NDUFB6: variants seen among roughly 807,000 people sequenced by gnomAD.
The protein encoded by NDUFB6 is NADH:ubiquinone oxidoreductase subunit B6, also known as NADH dehydrogenase [ubiquinone] 1 beta subcomplex subunit 6.
A neutral mutation model predicts 17.5 loss-of-function variants in NDUFB6; 23 were observed. That is an observed-to-expected ratio of 1.31 (90% CI 0.94 to 1.86). The LOEUF is 1.86. Ranked by LOEUF, NDUFB6 falls within the 40% of genes most tolerant of loss-of-function variation. NDUFB6 has a pLI of 0.00. For missense variants in NDUFB6, 167 were observed against 153.8 expected (o/e 1.09, Z -0.46); for synonymous variants, 60 against 53.5 (o/e 1.12, Z -0.53).
chr9:32,566,283 A>T, intron 2 of NDUFB6: 1 of 1,154,726 alleles, frequency 8.7e-7, no homozygotes, highest in Non-Finnish European at 1.3e-6. Context: ...TGAGGTAGAA[A>T]GCAGGCCATA....
intron 2 of NDUFB6, among the ~76,000 whole-genome samples, chr9:32,565,161 C>T (rs912236762): frequency 1.3e-5 from 2 of 151,976 alleles, no homozygotes; most frequent in African/African-American, 2.4e-5. Flanking sequence ...GCCATGGTGG[C>T]GGACACCTGT....
At position 32,553,137 on chromosome 9, in the gene NDUFB6, G is replaced by T; in HGVS notation, c.*739C>A. 2.3e-6 allele frequency: 1 copy of T among 434,056 alleles called. No homozygotes were observed. The allele number at this position is 434,056 out of a possible 1,614,324, so 26.9% of individuals were successfully genotyped here. A position where few individuals can be genotyped will look rare whatever the true frequency, so the allele number is the denominator to read the frequency against. On this transcript the variant is annotated 3_prime_UTR_variant, in exon 4 of 4. Transcript: ENST00000379847. ...CTAAATCTGACAGTCTTGAGTGTCA[G>T]ATCATAGTTGGAATAAGCTTTTCAA... is the stretch of plus-strand genomic sequence containing the variant.
At chr9:32,571,741 CATT>C (rs71965334) in intron 1 of NDUFB6, among the ~76,000 whole-genome samples, 24,984 of 152,080 alleles carry the variant, frequency 0.16, 2,465 homozygotes, top group South Asian at 0.36. Flanking sequence ...AACTTCGACA[CATT>C]ATTATTTATT....
At chr9:32,557,287 C>T (rs1397868933) in intron 3 of NDUFB6, among the ~76,000 whole-genome samples, 1 of 150,048 alleles carries the variant, frequency 6.7e-6, no homozygotes, top group Non-Finnish European at 1.5e-5. Flanking sequence ...GCCTCAGCCT[C>T]CAGGTAGCTG....
chr9:32,560,232 G>A (rs942811071), intron 2 of NDUFB6, among the ~76,000 whole-genome samples: 1 of 152,178 alleles, frequency 6.6e-6, no homozygotes, highest in Non-Finnish European at 1.5e-5. Context: ...GTGGCTCTGG[G>A]ACCTCTACTG....
At position 32,553,839 on chromosome 9, in the gene NDUFB6, CTT is replaced by C. The variant is rs779350100; in HGVS notation, c.*35_*36del. ...GTAAATATGGTAATATAGGAACAAA[CTT>C]AGGCTCATAAGCCTTTTAACTTTTT... On this transcript the variant is annotated 3_prime_UTR_variant, in exon 4 of 4. Transcript: ENST00000379847. 1.8e-5 allele frequency: 25 copies of C among 1,356,834 alleles called. No individual in the cohort carries two copies. The Admixed American group carries it at 3.6e-4, about 20-fold the overall frequency. 84.0% of individuals were successfully genotyped at this position (1,356,834 alleles called of 1,614,324 possible).
In NDUFB6 at chr9:32,573,032, A is replaced by T; in HGVS notation, c.29T>A (p.Leu10Gln). The change falls in exon 1 of 4, where the codon CTG becomes CAG. Residue 10 changes from leucine to glutamine, a missense_variant. Physicochemically the swap from Leu to Gln is moderately radical, Grantham distance 113. Coordinates refer to ENST00000379847, the MANE Select transcript of NDUFB6 (RefSeq NM_002493.5). MTGYTPDEK[L>Q]RLQQLRELRR... ...CAGCTCTCGCAGCTGCTGCAGCCGCAGTTTCTCATCCGGAGTGTACCCCGT... is the reference window on the plus strand; with the variant it reads ...CAGCTCTCGCAGCTGCTGCAGCCGCTGTTTCTCATCCGGAGTGTACCCCGT... 2 of 1,598,602 alleles carry T rather than the reference A, an allele frequency of 1.3e-6. No homozygotes were observed. Among genetic ancestry groups the T allele is most frequent in the Non-Finnish European group, 1.7e-6 (2 of 1,171,890 alleles).
intron 2 of NDUFB6, chr9:32,566,323 C>G: frequency 1.7e-6 from 2 of 1,180,704 alleles, no homozygotes; most frequent in Non-Finnish European, 2.5e-6. Context: ...TCTCTTCCAT[C>G]TTGTTCTTTA....
rs1202427145 is a variant in NDUFB6, at chr9:32,553,140, C to G, written c.*736G>C. ...AATCTGACAGTCTTGAGTGTCAGAT[C>G]ATAGTTGGAATAAGCTTTTCAATCA... On this transcript the variant is annotated 3_prime_UTR_variant, in exon 4 of 4. Coordinates refer to ENST00000379847, the MANE Select transcript of NDUFB6 (RefSeq NM_002493.5). The G allele has an allele frequency of 2.3e-6, 1 of 430,716 alleles. No individual in the cohort carries two copies. Among genetic ancestry groups the G allele is most frequent in the Non-Finnish European group, 4.1e-6 (1 of 242,998 alleles). 26.7% of individuals were successfully genotyped at this position (430,716 alleles called of 1,614,324 possible). A position where few individuals can be genotyped will look rare whatever the true frequency, so the allele number is the denominator to read the frequency against.
Position 32,553,600 on chromosome 9 carries a change from G to GA in NDUFB6, c.*275dup, listed in dbSNP as rs1821366751. 4 of 378,288 alleles carry GA rather than the reference G, an allele frequency of 1.1e-5. No individual in the cohort carries two copies. The highest frequency in any genetic ancestry group is 8.6e-5 in the Admixed American group (2 of 23,162). The allele number at this position is 378,288 out of a possible 1,614,324, so 23.4% of individuals were successfully genotyped here. A position where few individuals can be genotyped will look rare whatever the true frequency, so the allele number is the denominator to read the frequency against. On this transcript the variant is annotated 3_prime_UTR_variant, in exon 4 of 4. Coordinates refer to ENST00000379847, the MANE Select transcript of NDUFB6 (RefSeq NM_002493.5). ...CCAAATTAGTGTAAGTACTGTGTAA[G>GA]AAAAAAACAAACAAACATGTAACTA...
intron 2 of NDUFB6, chr9:32,566,184 C>A (rs1563996271): frequency 2.7e-6 from 2 of 741,674 alleles, no homozygotes; most frequent in Non-Finnish European, 4.9e-6. Flanking sequence ...TCCTCTTCAA[C>A]CTTGTCTGGG....
chr9:32,572,842 G>A (rs758958515), intron 1 of NDUFB6, 39 bp downstream of exon 1: 2 of 1,497,288 alleles, frequency 1.3e-6, no homozygotes, highest in Non-Finnish European at 1.8e-6. Context: ...CGGCAGCAGT[G>A]GGATGTGTTG....
At chr9:32,566,939 G>GT (rs2119028762) in intron 2 of NDUFB6, 3 of 529,526 alleles carry the variant, frequency 5.7e-6, no homozygotes, top group Non-Finnish European at 1.1e-5. Context: ...CAGGCCTGGC[G>GT]TGAGGTGAGC....
At chr9:32,570,789 A>G (rs1821919046) in intron 2 of NDUFB6, among the ~76,000 whole-genome samples, 171 bp downstream of exon 2, 1 of 152,260 alleles carries the variant, frequency 6.6e-6, no homozygotes, top group South Asian at 2.1e-4. Context: ...TATTTTTTAA[A>G]AACTATACCC....
chr9:32,565,991 AC>A, intron 2 of NDUFB6, among the ~76,000 whole-genome samples: 1 of 152,014 alleles, frequency 6.6e-6, no homozygotes, highest in Non-Finnish European at 1.5e-5. Flanking sequence ...AAACAAACAA[AC>A]AATGATTCAG....
Position 32,553,198 on chromosome 9 carries a change from GCTT to G in NDUFB6, c.*675_*677del. 3.5e-6 allele frequency: 1 copy of G among 286,540 alleles called. No individual in the cohort carries two copies. Among genetic ancestry groups the G allele is most frequent in the South Asian group, 5.9e-5 (1 of 16,870 alleles). The allele number at this position is 286,540 out of a possible 1,614,324, so 17.7% of individuals were successfully genotyped here. ...AAATTCTTCAAAAATGATTCGGAAAGCTTTTTTTTTTTTTGAGACGGAGTCTTG... is the reference window on the plus strand; with the variant it reads ...AAATTCTTCAAAAATGATTCGGAAAGTTTTTTTTTTTGAGACGGAGTCTTG... On this transcript the variant is annotated 3_prime_UTR_variant, in exon 4 of 4. Coordinates refer to ENST00000379847, the MANE Select transcript of NDUFB6 (RefSeq NM_002493.5).
intron 2 of NDUFB6, among the ~76,000 whole-genome samples, chr9:32,563,676 A>G (rs1467070563): frequency 1.3e-5 from 2 of 151,964 alleles, no homozygotes. Context: ...TACTATGATG[A>G]TTCTCAAATG....
chr9:32,566,729 G>T, intron 2 of NDUFB6: 1 of 899,644 alleles, frequency 1.1e-6, no homozygotes, highest in Non-Finnish European at 1.9e-6. Flanking sequence ...GGGACTCCAA[G>T]CCTTCAAACC....
intron 3 of NDUFB6, among the ~76,000 whole-genome samples, chr9:32,558,237 G>A (rs1011997366): frequency 4.0e-5 from 6 of 151,312 alleles, no homozygotes; most frequent in East Asian, 1.9e-4. Context: ...TCAGCCTCTC[G>A]AGTAGCTGGG....
Sources: gnomAD v4.1 joint callset for allele counts (sites outside exome capture counted in the v4.1 genomes callset) on GRCh38, gnomAD v4.1.1 for gene constraint, MANE v1.5 for transcripts, NCBI Gene and HGNC (gene_info 2026-07-23, HGNC 2026-07-21) for gene names.